The following ASPM variants were observed in gnomAD, a reference collection of about 807,000 sequenced individuals.
The protein encoded by ASPM is abnormal spindle-like microcephaly-associated protein.
Under a neutral mutation model 366.4 loss-of-function variants are expected in ASPM, and 256 were observed. The ratio of observed to expected loss-of-function variants is 0.70; its 90% CI spans 0.63 to 0.77. The LOEUF (loss-of-function observed/expected upper bound fraction) is 0.77. Among genes scored for constraint, ASPM ranks in the 30% least tolerant of loss-of-function variants. The pLI is 0.00. For synonymous variants in ASPM, 1,414 were observed against 1,342.9 expected, an observed-to-expected ratio of 1.05 and a Z score of -1.16; for missense variants, 4,146 against 4,090.4, an observed-to-expected ratio of 1.01 and a Z score of -0.37.
chr1:197,102,725 T>C lies in ASPM; in HGVS notation c.6526A>G (p.Ser2176Gly). 1 of 1,612,736 alleles carries C rather than the reference T, an allele frequency of 6.2e-7. No individual in the cohort carries two copies. Among genetic ancestry groups the C allele is most frequent in the Non-Finnish European group, 8.5e-7 (1 of 1,179,266 alleles). The change falls in exon 18 of 28, where the codon AGT (serine) becomes GGT (glycine). Residue 2176 changes from serine to glycine, a missense_variant. Ser to Gly is a moderately conservative substitution (Grantham distance 56). Around this residue, in one of 3 missense-constraint regions of ASPM, gnomAD observed 3,624 missense variants for 3,591.7 expected, o/e 1.01. Transcript: ENST00000367409. ...CGTCTAACTCTTACTCCTCTAAAACTTGCCTGAAGGACTTTAACAGCTTTC... is the reference window on the plus strand; with the variant it reads ...CGTCTAACTCTTACTCCTCTAAAACCTGCCTGAAGGACTTTAACAGCTTTC... Reference protein sequence around the residue: ...ILKAVKVLQASFRGVRVRRTL... With the variant: ...ILKAVKVLQAGFRGVRVRRTL...
chr1:197,122,540 T>C lies in ASPM; in HGVS notation c.3446A>G (p.His1149Arg). 1 of 1,613,196 alleles carries C rather than the reference T, an allele frequency of 6.2e-7. No individual in the cohort carries two copies. The highest frequency in any genetic ancestry group is 8.5e-7 in the Non-Finnish European group (1 of 1,179,592). ...TGGCACATAGCAAGGATGGTAATGG[T>C]GGATCAGGTAACATAACACACGGCC... The part of the protein sequence containing the change: ...SDGRVLCYLI[H>R]HYHPCYVPFD... Residue 1149 changes from histidine (H) to arginine (R), a missense_variant, in exon 14 of 28, where the codon CAC (histidine) becomes CGC (arginine). Transcript: ENST00000367409.
At position 197,104,047 on chromosome 1, in the gene ASPM, A is replaced by G. The variant is rs1657310159; in HGVS notation, c.5204T>C (p.Leu1735Pro). The G allele has an allele frequency of 5.6e-6, 9 of 1,612,920 alleles. No individual in the cohort carries two copies. The highest frequency in any genetic ancestry group is 1.3e-5 in the African/African-American group (1 of 74,954). Residue 1735 changes from leucine to proline, a missense_variant, in exon 18 of 28, where the codon CTG (leucine) becomes CCG (proline). Leu to Pro is a moderately conservative substitution (Grantham distance 98). This residue lies in a region of ASPM where 3,624 missense variants were observed against 3,591.7 expected (regional missense o/e 1.01). Transcript: ENST00000367409. The part of the protein sequence containing the change: ...YMQMRESCIK[L>P]QAFVRGYLVR... ...AAGGTATCCTCTAACAAATGCTTGC[A>G]GTTTGATACAAGATTCCCGCATCTG...
At chr1:197,129,635 G>A (rs1235717190) in intron 8 of ASPM, among the ~76,000 whole-genome samples, 1 of 152,108 alleles carries the variant, frequency 6.6e-6, no homozygotes, top group African/African-American at 2.4e-5. Flanking sequence ...AGGCACCATC[G>A]TAGGTGTTAG....
Position 197,142,976 on chromosome 1 carries a change from G to T in ASPM, c.1276C>A (p.Pro426Thr), listed in dbSNP as rs1658644172. 6.2e-7 allele frequency: 1 copy of T among 1,613,892 alleles called. No individual in the cohort carries two copies. Among genetic ancestry groups the T allele is most frequent in the Non-Finnish European group, 8.5e-7 (1 of 1,179,884 alleles). Residue 426 changes from proline to threonine, a missense_variant, in exon 3 of 28, where the codon CCT becomes ACT. Pro to Thr is a conservative substitution (Grantham distance 38). Coordinates refer to ENST00000367409, the MANE Select transcript of ASPM (RefSeq NM_018136.5). ...SNENSQVPQS[P>T]EDWRKSEVSP... ...ACTTCACTTTTTCTCCAATCTTCAG[G>T]AGACTGTGGGACTTGAGAATTTTCA...
chr1:197,131,701 C>G (rs1010224266), intron 7 of ASPM, among the ~76,000 whole-genome samples: 1 of 151,822 alleles, frequency 6.6e-6, no homozygotes, highest in African/African-American at 2.4e-5. Context: ...TGGGACTACA[C>G]GCGCCCACCA....
At chr1:197,138,809 G>A (rs750952612) in intron 4 of ASPM, 1 of 758,834 alleles carries the variant, frequency 1.3e-6, no homozygotes, top group Non-Finnish European at 2.4e-6. Context: ...CAGTGCCTCA[G>A]AAGCAGCCTT....
intron 27 of ASPM, 107 bp from the exon 28 acceptor site, chr1:197,084,533 T>C: frequency 2.7e-6 from 2 of 741,112 alleles, no homozygotes; most frequent in East Asian, 2.7e-5. Flanking sequence ...AACACATCAT[T>C]TCCCTTACAA....
At position 197,122,063 on chromosome 1, in the gene ASPM, G is replaced by C. The variant is rs1161664652; in HGVS notation, c.3742-20C>G. 6.2e-7 allele frequency: 1 copy of C among 1,608,932 alleles called. No individual in the cohort carries two copies. The highest frequency in any genetic ancestry group is 1.1e-5 in the South Asian group (1 of 90,848). On this transcript the variant is annotated intron_variant, in intron 15 of 27. Transcript: ENST00000367409. The stretch of plus-strand genomic sequence containing the variant: ...AACCACCTAAAAAAAACCCACAAAA[G>C]ATAAAAACAGAATATCAACAGAGAA...
At chr1:197,112,917 C>A (rs1657632008) in intron 17 of ASPM, among the ~76,000 whole-genome samples, 1 of 152,038 alleles carries the variant, frequency 6.6e-6, no homozygotes, top group Non-Finnish European at 1.5e-5. Context: ...TTAACTGAGA[C>A]CTGACTCAAA....
intron 27 of ASPM, among the ~76,000 whole-genome samples, chr1:197,085,511 T>G (rs1656559836): frequency 2.0e-5 from 3 of 152,148 alleles, no homozygotes; most frequent in African/African-American, 7.2e-5. Context: ...CAAAGATATA[T>G]CAATTGGTGA....
At chr1:197,146,040 T>A in intron 1 of ASPM, 101 bp downstream of exon 1, 1 of 1,466,170 alleles carries the variant, frequency 6.8e-7, no homozygotes, top group South Asian at 1.1e-5. Context: ...AAGGGTCTTT[T>A]CTGATTTCTT....
At chr1:197,144,927 AAT>A (rs1255361514) in intron 1 of ASPM, among the ~76,000 whole-genome samples, 15 of 152,352 alleles carry the variant, frequency 9.8e-5, no homozygotes, top group African/African-American at 3.6e-4. Context: ...TACTCTATAA[AAT>A]AGTTTATTCT....
At chr1:197,106,168 T>C (rs756311311) in intron 17 of ASPM, among the ~76,000 whole-genome samples, 1 of 151,976 alleles carries the variant, frequency 6.6e-6, no homozygotes, top group Non-Finnish European at 1.5e-5. Context: ...AAGGAGAACA[T>C]GCACATCCCT....
At position 197,117,878 on chromosome 1, in the gene ASPM, A is replaced by T. The variant is rs765914908; in HGVS notation, c.3976T>A (p.Trp1326Arg). 1.2e-6 allele frequency: 2 copies of T among 1,613,402 alleles called. No homozygotes were observed. The highest frequency in any genetic ancestry group is 1.7e-6 in the Non-Finnish European group (2 of 1,179,552). The change falls in exon 17 of 28, where the codon TGG (tryptophan) becomes AGG (arginine). Residue 1326 changes from tryptophan to arginine, a missense_variant. Around this residue, in one of 3 missense-constraint regions of ASPM, gnomAD observed 3,624 missense variants for 3,591.7 expected, o/e 1.01. Transcript: ENST00000367409. Reference sequence around the variant, plus strand: ...TTTCTCTGTGCTAAGACTCTTCGCCAATATTTCTGAATGACGAGTGCTGCA... The same window carrying T: ...TTTCTCTGTGCTAAGACTCTTCGCCTATATTTCTGAATGACGAGTGCTGCA... ...VNAALVIQKY[W>R]RRVLAQRKLL... is the part of the protein sequence containing the mutation.
intron 17 of ASPM, among the ~76,000 whole-genome samples, chr1:197,114,868 C>T (rs1219105965): frequency 1.3e-5 from 2 of 152,212 alleles, no homozygotes; most frequent in Admixed American, 1.3e-4. Context: ...CCTGCCTCAG[C>T]CTCCCAAGTA....
chr1:197,092,012 T>A lies in ASPM; in HGVS notation c.9339A>T (p.Ala3113=). 6.2e-7 allele frequency: 1 copy of A among 1,612,186 alleles called. No homozygotes were observed. Among genetic ancestry groups the A allele is most frequent in the Non-Finnish European group, 8.5e-7 (1 of 1,178,830 alleles). ...RAKIRLLHFT[A]AAYYHLNAVR... Reference sequence around the variant, plus strand: ...CAGCATTCAGGTGATAATATGCAGCTGCAGTGAAGTGAAGAAGTCGAATTT... The same window carrying A: ...CAGCATTCAGGTGATAATATGCAGCAGCAGTGAAGTGAAGAAGTCGAATTT... Residue 3113 remains alanine (A), a synonymous_variant, in exon 22 of 28, where the codon GCA becomes GCT. Transcript: ENST00000367409.
In ASPM at chr1:197,139,765, G is replaced by C. The variant is rs757252885; in HGVS notation, c.2026+2C>G. 2.5e-6 allele frequency: 4 copies of C among 1,573,972 alleles called. No individual in the cohort carries two copies. The highest frequency in any genetic ancestry group is 1.1e-5 in the South Asian group (1 of 90,364). The stretch of plus-strand genomic sequence containing the variant: ...GAGAGTTTAAGTATAATAAATACTT[G>C]CCTGTTTTTAATGGTTTTATGAAGG... On this transcript the variant is annotated splice_donor_variant, in intron 4 of 27. Coordinates refer to ENST00000367409, the MANE Select transcript of ASPM (RefSeq NM_018136.5). LOFTEE classifies it high-confidence loss of function.
At chr1:197,134,894 T>C (rs1021234026) in intron 5 of ASPM, among the ~76,000 whole-genome samples, 2 of 152,180 alleles carry the variant, frequency 1.3e-5, no homozygotes, top group Non-Finnish European at 2.9e-5. Context: ...AAAAAGTATA[T>C]TTCAGTACTT....
intron 20 of ASPM, 99 bp from the exon 21 acceptor site, chr1:197,093,360 T>C (rs1052293223): frequency 2.7e-5 from 26 of 950,990 alleles, no homozygotes; most frequent in South Asian, 2.6e-4. Flanking sequence ...GGCATAATTA[T>C]GATTTATAGT....
Sources: allele counts gnomAD v4.1 joint callset (sites outside exome capture counted in the v4.1 genomes callset), GRCh38; gene constraint gnomAD v4.1.1; regional missense constraint gnomAD v4.1.1; transcripts MANE v1.5; gene names NCBI Gene and HGNC (gene_info 2026-07-23, HGNC 2026-07-21).